The following GRIA4 variants were observed in gnomAD, a reference collection of about 807,000 sequenced individuals.
The protein encoded by GRIA4 is glutamate receptor 4.
In GRIA4, 34 loss-of-function variants were observed where a neutral mutation model predicts 104.0. The ratio of observed to expected loss-of-function variants is 0.33; its 90% CI spans 0.25 to 0.44. GRIA4 has a LOEUF of 0.44. GRIA4 is among the 20% of genes least tolerant of loss of function. The pLI, the probability that GRIA4 is intolerant of heterozygous loss-of-function variation, is 1.00. For missense variants in GRIA4, 750 were observed against 1,096.5 expected (o/e 0.68, Z 4.46); for synonymous variants, 386 against 381.9 (o/e 1.01, Z -0.13).
At chr11:105,925,642 C>T (rs1170910630) in intron 12 of GRIA4, among the ~76,000 whole-genome samples, 1 of 151,882 alleles carries the variant, frequency 6.6e-6, no homozygotes, top group Non-Finnish European at 1.5e-5. Context: ...GTTTAAATTC[C>T]AATAACATAG....
chr11:105,854,250 G>T (rs1944929214), intron 4 of GRIA4, among the ~76,000 whole-genome samples: 1 of 152,122 alleles, frequency 6.6e-6, no homozygotes, highest in Admixed American at 6.6e-5. Flanking sequence ...AAAAGCACAG[G>T]ATGAAGGAGC....
intron 5 of GRIA4, among the ~76,000 whole-genome samples, chr11:105,863,326 C>A (rs1945294021): frequency 6.6e-6 from 1 of 151,542 alleles, no homozygotes; most frequent in South Asian, 2.1e-4. Context: ...TCTAAAGAAG[C>A]CAGACCATAA....
At chr11:105,798,453 AT>A (rs1942581614) in intron 4 of GRIA4, among the ~76,000 whole-genome samples, 1 of 152,108 alleles carries the variant, frequency 6.6e-6, no homozygotes, top group Non-Finnish European at 1.5e-5. Flanking sequence ...GGGAACAAAG[AT>A]AAAAAGAGGA....
intron 10 of GRIA4, among the ~76,000 whole-genome samples, chr11:105,918,379 T>C: frequency 6.6e-6 from 1 of 152,158 alleles, no homozygotes; most frequent in East Asian, 1.9e-4. Context: ...ATTTTAGAAA[T>C]ACTCATTTCA....
intron 3 of GRIA4, among the ~76,000 whole-genome samples, chr11:105,626,615 T>C (rs1485248204): frequency 1.3e-5 from 2 of 152,132 alleles, no homozygotes; most frequent in Non-Finnish European, 2.9e-5. Flanking sequence ...CACGAACATT[T>C]CATTAAAGCA....
At chr11:105,663,128 T>C (rs1254726994) in intron 3 of GRIA4, among the ~76,000 whole-genome samples, 2 of 151,850 alleles carry the variant, frequency 1.3e-5, no homozygotes, top group African/African-American at 2.4e-5. Flanking sequence ...AGGACAACTG[T>C]CTTAAAAAAT....
intron 4 of GRIA4, among the ~76,000 whole-genome samples, chr11:105,837,279 C>G (rs1014466578): frequency 6.6e-6 from 1 of 152,068 alleles, no homozygotes; most frequent in Non-Finnish European, 1.5e-5. Context: ...AGGACACAGC[C>G]AAACCATATC....
At chr11:105,663,733 T>G (rs901656522) in intron 3 of GRIA4, among the ~76,000 whole-genome samples, 1 of 151,858 alleles carries the variant, frequency 6.6e-6, no homozygotes, top group Non-Finnish European at 1.5e-5. Flanking sequence ...ATAGGGAAAC[T>G]TTCAAAACTT....
chr11:105,976,799 T>A lies in GRIA4; in HGVS notation c.2544+2355T>A, dbSNP rs1289880448. On this transcript the variant is annotated intron_variant, in intron 16 of 16. Coordinates refer to ENST00000282499, the MANE Select transcript of GRIA4 (RefSeq NM_000829.4). ...AAACCCAGACCATATGTAAAATCAC[T>A]AGAAAGTTTTCCAGTTTGAGGAACC... Among the ~76,000 whole-genome samples the A allele has an allele frequency of 2.6e-5, 4 of 151,956 alleles. No individual in the cohort carries two copies. The East Asian group carries it at 7.7e-4, about 29-fold the overall frequency.
chr11:105,886,451 T>C lies in GRIA4; in HGVS notation c.673-1068T>C, dbSNP rs920733604. 2.6e-5 allele frequency among the ~76,000 whole-genome samples: 4 copies of C among 151,904 alleles called. No individual in the cohort carries two copies. In the East Asian group the frequency reaches 7.7e-4, roughly 29 times the overall value. Reference sequence around the variant, plus strand: ...ATGTTTTATACATTCTTTCCAGCTATTTTTTTCTGTACCCATTAACCATTC... The same window carrying C: ...ATGTTTTATACATTCTTTCCAGCTACTTTTTTCTGTACCCATTAACCATTC... On this transcript the variant is annotated intron_variant, in intron 5 of 16. Transcript: ENST00000282499.
chr11:105,610,776 A>T (rs1950450322), intron 1 of GRIA4, 132 bp from the exon 2 acceptor site: 2 of 508,956 alleles, frequency 3.9e-6, no homozygotes, highest in South Asian at 4.9e-5. Context: ...TGCGGGAAAA[A>T]TCTGGCGGCT....
intron 4 of GRIA4, among the ~76,000 whole-genome samples, chr11:105,822,134 T>C (rs1943596358): frequency 6.6e-6 from 1 of 152,128 alleles, no homozygotes; most frequent in Non-Finnish European, 1.5e-5. Context: ...CTGTAGCATC[T>C]TTCTTCAGAG....
At chr11:105,722,129 T>C (rs932543749) in intron 3 of GRIA4, among the ~76,000 whole-genome samples, 3 of 152,164 alleles carry the variant, frequency 2.0e-5, no homozygotes, top group Non-Finnish European at 4.4e-5. Flanking sequence ...AAAAATCAGA[T>C]GGTGCTAATT....
intron 3 of GRIA4, among the ~76,000 whole-genome samples, chr11:105,617,442 C>T (rs1181772496): frequency 1.3e-5 from 2 of 151,760 alleles, no homozygotes; most frequent in Non-Finnish European, 2.9e-5. Context: ...TGAACTAATT[C>T]TTATACCTAC....
chr11:105,809,703 C>T (rs992040960), intron 4 of GRIA4, among the ~76,000 whole-genome samples: 1 of 152,048 alleles, frequency 6.6e-6, no homozygotes, highest in African/African-American at 2.4e-5. Flanking sequence ...CATGATTTTA[C>T]GTGTCCTGAG....
In GRIA4 at chr11:105,979,568, A is replaced by C; in HGVS notation, c.2545-7A>C. ...CGTTCTTTCTGCTTCCTTTCCATGC[A>C]ACCCAGCTGACCTTTTCTGAAGCCA... On this transcript the variant is annotated splice_polypyrimidine_tract_variant and splice_region_variant and intron_variant, in intron 16 of 16. Transcript: ENST00000282499. 6.2e-7 allele frequency: 1 copy of C among 1,613,656 alleles called. No individual in the cohort carries two copies. The highest frequency in any genetic ancestry group is 8.5e-7 in the Non-Finnish European group (1 of 1,179,600).
At chr11:105,793,961 A>G (rs1296763286) in intron 4 of GRIA4, among the ~76,000 whole-genome samples, 2 of 152,176 alleles carry the variant, frequency 1.3e-5, no homozygotes, top group Non-Finnish European at 2.9e-5. Context: ...TTCACAGAGT[A>G]AGAGATATTT....
intron 3 of GRIA4, among the ~76,000 whole-genome samples, chr11:105,728,620 C>A (rs1938376806): frequency 6.6e-6 from 1 of 152,150 alleles, no homozygotes; most frequent in South Asian, 2.1e-4. Context: ...CACTCCTCAG[C>A]AAATGCAAAA....
chr11:105,612,143 C>T lies in GRIA4; in HGVS notation c.89-133C>T, dbSNP rs187751568. ...ATGCACCTTAGGGACAAAGGGCAGTCTCCCTAGATGTGGCAGGTATAGCTC... is the reference window on the plus strand; with the variant it reads ...ATGCACCTTAGGGACAAAGGGCAGTTTCCCTAGATGTGGCAGGTATAGCTC... On this transcript the variant is annotated intron_variant, in intron 2 of 16. Transcript: ENST00000282499. The T allele has an allele frequency of 6.9e-4, 509 of 741,034 alleles. 7 individuals carry two copies. Among genetic ancestry groups the T allele is most frequent in the Non-Finnish European group, 2.0e-4 (88 of 444,324 alleles). The allele number at this position is 741,034 out of a possible 1,614,324, so 45.9% of individuals were successfully genotyped here.
Sources: allele counts gnomAD v4.1 joint callset (sites outside exome capture counted in the v4.1 genomes callset), GRCh38; gene constraint gnomAD v4.1.1; transcripts MANE v1.5; gene names NCBI Gene and HGNC (gene_info 2026-07-23, HGNC 2026-07-21).